Variants in RAG1 observed in about 807,000 individuals in gnomAD.
RAG1 encodes V(D)J recombination-activating protein 1.
In RAG1, 35 loss-of-function variants were observed where a neutral mutation model predicts 62.7. That is an observed-to-expected ratio of 0.56 (90% CI 0.43 to 0.74). The LOEUF (loss-of-function observed/expected upper bound fraction) is 0.74. Among genes scored for constraint, RAG1 ranks in the 30% least tolerant of loss-of-function variants. RAG1 has a pLI of 0.00. For missense variants in RAG1, 1,169 were observed against 1,278.6 expected (o/e 0.91, Z 1.31); for synonymous variants, 461 against 470.3 (o/e 0.98, Z 0.26).
chr11:36,514,804 A>G (rs1859974073), intron 1 of RAG1, among the ~76,000 whole-genome samples: 1 of 152,242 alleles, frequency 6.6e-6, no homozygotes, highest in Admixed American at 6.5e-5. Flanking sequence ...GGCTGTAAAT[A>G]CAGATGCAGC....
intron 3 of RAG1, among the ~76,000 whole-genome samples, chr11:36,562,049 G>T (rs894523622): frequency 6.6e-6 from 1 of 152,332 alleles, no homozygotes; most frequent in Non-Finnish European, 1.5e-5. Context: ...CATGTTCCCT[G>T]TTGGCCCTTG....
chr11:36,526,924 G>A (rs573309600), intron 2 of RAG1, among the ~76,000 whole-genome samples: 1 of 152,238 alleles, frequency 6.6e-6, no homozygotes, highest in African/African-American at 2.4e-5. Flanking sequence ...CTTTTTGATG[G>A]GGTTGTTTCT....
At chr11:36,519,719 A>G (rs560405202) in intron 1 of RAG1, among the ~76,000 whole-genome samples, 1 of 152,302 alleles carries the variant, frequency 6.6e-6, no homozygotes, top group East Asian at 1.9e-4. Flanking sequence ...TTTGTGTTCC[A>G]TCTGGCTCTT....
upstream of RAG1, among the ~76,000 whole-genome samples, chr11:36,564,688 G>C (rs771621418): frequency 6.6e-6 from 1 of 152,208 alleles, no homozygotes; most frequent in Admixed American, 6.5e-5. Flanking sequence ...ACTAACAGGG[G>C]TAATTCACAT....
chr11:36,574,808 C>G lies in RAG1; in HGVS notation c.1504C>G (p.Pro502Ala). ...CATCACAGGGAGACAGATTTTTCAG[C>G]CTTTGCATGCCCTTCGGAATGCTGA... ...KAITGRQIFQ[P>A]LHALRNAEKV... Residue 502 changes from proline to alanine, a missense_variant, in exon 2 of 2, where the codon CCT (proline) becomes GCT (alanine). This residue lies in a region of RAG1 where 800 missense variants were observed against 943.3 expected (regional missense o/e 0.85). Coordinates refer to ENST00000299440, the MANE Select transcript of RAG1 (RefSeq NM_000448.3). The G allele has an allele frequency of 1.2e-6, 2 of 1,614,226 alleles. No homozygotes were observed. The highest frequency in any genetic ancestry group is 1.7e-6 in the Non-Finnish European group (2 of 1,180,034).
In RAG1 at chr11:36,522,984, C is replaced by A. The variant is rs547861870; in HGVS notation, n.428+2755C>A. ...CCCATTGTACCTAGGAAGTAACTAACTTGCTTTTGATTTTATAGGCTCATA... is the reference window on the plus strand; with the variant it reads ...CCCATTGTACCTAGGAAGTAACTAAATTGCTTTTGATTTTATAGGCTCATA... On this transcript the variant is annotated intron_variant and non_coding_transcript_variant, in intron 2 of 2. Coordinates refer to the RAG1 transcript ENST00000529126. 2.6e-5 allele frequency among the ~76,000 whole-genome samples: 4 copies of A among 152,326 alleles called. No individual in the cohort carries two copies. In the East Asian group the frequency reaches 7.7e-4, roughly 29 times the overall value.
chr11:36,543,010 C>A (rs1850332444), intron 3 of RAG1, among the ~76,000 whole-genome samples: 1 of 152,166 alleles, frequency 6.6e-6, no homozygotes. Context: ...TTAATCTAAT[C>A]AGTGCCTCGT....
At chr11:36,513,128 C>G (rs879673353) in intron 1 of RAG1, among the ~76,000 whole-genome samples, 15 of 152,180 alleles carry the variant, frequency 9.9e-5, no homozygotes, top group Non-Finnish European at 1.6e-4. Flanking sequence ...CCATCTCTTT[C>G]TCTCTTGCCT....
chr11:36,514,939 G>T (rs536293714), intron 1 of RAG1, among the ~76,000 whole-genome samples: 2 of 152,182 alleles, frequency 1.3e-5, no homozygotes, highest in African/African-American at 4.8e-5. Context: ...TATTGCAAAG[G>T]CCCTAAAGCT....
Position 36,542,149 on chromosome 11 carries a change from T to C in RAG1, c.-412+6115T>C, listed in dbSNP as rs527494727. ...GGATGAGTTTGTTTCTCACATTCAC[T>C]ATCTTCCCTCTCTTTATTAGAGAGC... On this transcript the variant is annotated intron_variant and NMD_transcript_variant, in intron 3 of 9. Coordinates refer to the RAG1 transcript ENST00000534663. 3.3e-5 allele frequency among the ~76,000 whole-genome samples: 5 copies of C among 152,334 alleles called. No homozygotes were observed. In the East Asian group the frequency reaches 9.6e-4, roughly 29 times the overall value.
chr11:36,519,228 C>G (rs1251716629), intron 1 of RAG1, among the ~76,000 whole-genome samples: 1 of 151,972 alleles, frequency 6.6e-6, no homozygotes, highest in Admixed American at 6.6e-5. Flanking sequence ...CAATGGGCAA[C>G]AAAGAATTTT....
At chr11:36,562,830 C>T (rs1415217255) in intron 3 of RAG1, among the ~76,000 whole-genome samples, 1 of 152,026 alleles carries the variant, frequency 6.6e-6, no homozygotes, top group African/African-American at 2.4e-5. Context: ...TGATTTATAC[C>T]AGTGGTTTTC....
rs1051120485 is a variant in RAG1 at position 36,577,238 on chromosome 11, CTTTA to C, written c.*806_*809del. 1 of 166,864 alleles carries C rather than the reference CTTTA, an allele frequency of 6.0e-6. No homozygotes were observed. The highest frequency in any genetic ancestry group is 2.4e-5 in the African/African-American group (1 of 41,438). The allele number at this position is 166,864 out of a possible 1,614,324, so 10.3% of individuals were successfully genotyped here. A position where few individuals can be genotyped will look rare whatever the true frequency, so the allele number is the denominator to read the frequency against. On this transcript the variant is annotated 3_prime_UTR_variant, in exon 2 of 2. Coordinates refer to ENST00000299440, the MANE Select transcript of RAG1 (RefSeq NM_000448.3). The stretch of plus-strand genomic sequence containing the variant: ...TAGCTATCAGAAGCCAAGTATGATT[CTTTA>C]TTTTTACTTTTTCATTTCAAGAAAT...
chr11:36,518,930 T>C (rs919258283), intron 1 of RAG1, among the ~76,000 whole-genome samples: 1 of 152,236 alleles, frequency 6.6e-6, no homozygotes, highest in African/African-American at 2.4e-5. Context: ...GCCTATGTCC[T>C]AAATGGTATG....
intron 3 of RAG1, among the ~76,000 whole-genome samples, chr11:36,548,074 C>G (rs1457901199): frequency 1.3e-5 from 2 of 152,012 alleles, no homozygotes; most frequent in Non-Finnish European, 2.9e-5. Flanking sequence ...AAATTCAACA[C>G]CCCTTCATGC....
intron 1 of RAG1, chr11:36,511,115 C>G (rs996419570): frequency 3.3e-5 from 5 of 152,136 alleles, no homozygotes; most frequent in Non-Finnish European, 5.9e-5. Flanking sequence ...ATCTACCTCA[C>G]AGGGTTGTTG....
upstream of RAG1, among the ~76,000 whole-genome samples, chr11:36,565,045 A>G (rs1215557111): frequency 6.6e-6 from 1 of 152,184 alleles, no homozygotes; most frequent in African/African-American, 2.4e-5. Context: ...TAAATAAAAC[A>G]CATGCGTTGG....
At chr11:36,544,370 C>G (rs1311303025) in intron 3 of RAG1, among the ~76,000 whole-genome samples, 1 of 152,116 alleles carries the variant, frequency 6.6e-6, no homozygotes, top group African/African-American at 2.4e-5. Flanking sequence ...ACAAAGAAAG[C>G]AGCTCTAGGG....
At position 36,578,499 on chromosome 11, in the gene RAG1, C is replaced by T. The variant is rs762070577; in HGVS notation, c.*2063C>T. The T allele has an allele frequency of 6.0e-6, 1 of 166,824 alleles. No homozygotes were observed. The highest frequency in any genetic ancestry group is 1.5e-5 in the Non-Finnish European group (1 of 68,116). 10.3% of individuals were successfully genotyped at this position (166,824 alleles called of 1,614,324 possible). ...CACATAATCATCCTATTTACTGAAG[C>T]ATGGTCATGCTGGTTTATAGATTTT... is the stretch of plus-strand genomic sequence containing the variant. On this transcript the variant is annotated 3_prime_UTR_variant, in exon 2 of 2. Transcript: ENST00000299440.
Sources: allele counts gnomAD v4.1 joint callset (sites outside exome capture counted in the v4.1 genomes callset), GRCh38; gene constraint gnomAD v4.1.1; regional missense constraint gnomAD v4.1.1; transcripts MANE v1.5; gene names NCBI Gene and HGNC (gene_info 2026-07-23, HGNC 2026-07-21).